SLC25A10: variants seen among roughly 807,000 people sequenced by gnomAD.
The protein encoded by SLC25A10 is mitochondrial dicarboxylate carrier.
In SLC25A10, 32 loss-of-function variants were observed where a neutral mutation model predicts 40.4. The observed-to-expected ratio is 0.79, with a 90% CI of 0.60 to 1.06. SLC25A10 has a LOEUF of 1.06. Ranked by LOEUF, SLC25A10 falls within the 50% of genes least tolerant of loss-of-function variation. The pLI, the probability that SLC25A10 is intolerant of heterozygous loss-of-function variation, is 0.00. For missense variants in SLC25A10, 394 were observed against 402.6 expected, an observed-to-expected ratio of 0.98 and a Z score of 0.18; for synonymous variants, 181 against 171.1, an observed-to-expected ratio of 1.06 and a Z score of -0.45.
intron 5 of SLC25A10, 187 bp from the exon 6 acceptor site, chr17:81,716,625 C>T: frequency 3.2e-6 from 2 of 616,792 alleles, no homozygotes; most frequent in South Asian, 3.9e-5. Context: ...TCCCTGAGGG[C>T]CGGGCGGGGC....
Position 81,714,980 on chromosome 17 carries a change from A to G in SLC25A10, c.121A>G (p.Lys41Glu), listed in dbSNP as rs1256996389. 6.2e-7 allele frequency: 1 copy of G among 1,609,432 alleles called. No individual in the cohort carries two copies. Among genetic ancestry groups the G allele is most frequent in the Non-Finnish European group, 8.5e-7 (1 of 1,179,914 alleles). The change falls in exon 2 of 11, where the codon AAG (lysine) becomes GAG (glutamate). Residue 41 changes from lysine (K) to glutamate (E), a missense_variant. Coordinates refer to ENST00000350690, the MANE Select transcript of SLC25A10 (RefSeq NM_012140.5). ...GCATCTGCAGACGCAGCAGGAGGTG[A>G]AGCTGCGCATGACGGGCATGGCGCT... ...KVHLQTQQEVKLRMTGMALRV... is the reference protein window; with the variant it reads ...KVHLQTQQEVELRMTGMALRV...
At chr17:81,715,950 C>T in intron 4 of SLC25A10, 59 bp from the exon 5 acceptor site, 1 of 1,533,530 alleles carries the variant, frequency 6.5e-7, no homozygotes, top group East Asian at 2.4e-5. Context: ...CCCTGTGCTG[C>T]CAGGGCTGCC....
chr17:81,716,529 C>T (rs1002176868), intron 5 of SLC25A10, among the ~76,000 whole-genome samples: 1 of 152,164 alleles, frequency 6.6e-6, no homozygotes, highest in Non-Finnish European at 1.5e-5. Flanking sequence ...TGTGTTCCCC[C>T]AGGACCCCGG....
intron 1 of SLC25A10, 100 bp downstream of exon 1, chr17:81,712,619 G>A (rs2037405123): frequency 1.2e-6 from 1 of 858,256 alleles, no homozygotes; most frequent in Non-Finnish European, 1.5e-6. Flanking sequence ...GGATCGCCGC[G>A]CCCGGGGCTC....
At position 81,720,375 on chromosome 17, in the gene SLC25A10, T is replaced by C. The variant is rs1344957436; in HGVS notation, c.*298T>C. The C allele has an allele frequency of 6.4e-6, 9 of 1,405,776 alleles. No individual in the cohort carries two copies. Among genetic ancestry groups the C allele is most frequent in the Non-Finnish European group, 8.3e-6 (9 of 1,086,212 alleles). 87.1% of individuals were successfully genotyped at this position (1,405,776 alleles called of 1,614,324 possible). On this transcript the variant is annotated 3_prime_UTR_variant, in exon 11 of 11. Coordinates refer to ENST00000350690, the MANE Select transcript of SLC25A10 (RefSeq NM_012140.5). ...GAACAGGGGCTACCAGAGGCTGATT[T>C]CTCCCCTCTCCTGGGCCAGGGGAGG...
chr17:81,712,401 G>A lies in SLC25A10; in HGVS notation c.-26G>A, dbSNP rs2037398791. The A allele has an allele frequency of 8.0e-7, 1 of 1,252,628 alleles. No individual in the cohort carries two copies. 77.6% of individuals were successfully genotyped at this position (1,252,628 alleles called of 1,614,324 possible). A position where few individuals can be genotyped will look rare whatever the true frequency, so the allele number is the denominator to read the frequency against. ...GTAGGGCCGGGGTCGGGTTGTGGTC[G>A]GGCCGGGATTGGGCTCTCCTGGGCC... On this transcript the variant is annotated 5_prime_UTR_variant, in exon 1 of 11. Transcript: ENST00000350690.
In SLC25A10 at chr17:81,717,813, C is replaced by T. The variant is rs114621664; in HGVS notation, c.657C>T (p.Pro219=). 1,281 of 1,612,100 alleles carry T rather than the reference C, an allele frequency of 7.9e-4. 8 individuals carry two copies. The Middle Eastern group carries it at 9.8e-3, about 12-fold the overall frequency. Reference sequence around the variant, plus strand: ...GATGTGCCACGTTCCTGTGCCAGCCCCTGGATGTGCTGAAGACTCGCCTGA... The same window carrying T: ...GATGTGCCACGTTCCTGTGCCAGCCTCTGGATGTGCTGAAGACTCGCCTGA... The part of the protein sequence containing the change: ...AGGCATFLCQ[P]LDVLKTRLMN... Residue 219 remains proline, a synonymous_variant, in exon 9 of 11, where the codon CCC becomes CCT. Coordinates refer to ENST00000350690, the MANE Select transcript of SLC25A10 (RefSeq NM_012140.5).
chr17:81,714,862 C>T, intron 1 of SLC25A10, 91 bp from the exon 2 acceptor site: 2 of 1,538,544 alleles, frequency 1.3e-6, no homozygotes, highest in South Asian at 1.2e-5. Flanking sequence ...GGCCTTATCA[C>T]TGCCTCCTGC....
rs778821555 is a variant in SLC25A10, at chr17:81,715,565, G to C, written c.301G>C (p.Glu101Gln). 1 of 1,612,870 alleles carries C rather than the reference G, an allele frequency of 6.2e-7. No homozygotes were observed. The highest frequency in any genetic ancestry group is 8.5e-7 in the Non-Finnish European group (1 of 1,179,840). Reference protein sequence around the residue: ...KGSQGPLPFHEKVLLGSVSGL... With the variant: ...KGSQGPLPFHQKVLLGSVSGL... ...CAGCCAGGGGCCTCTCCCCTTCCAC[G>C]AGAAGGTGTTGCTGGGCTCCGTCAG... The change falls in exon 3 of 11, where the codon GAG (glutamate) becomes CAG (glutamine). Residue 101 changes from glutamate (E) to glutamine (Q), a missense_variant. By Grantham distance (29) the Glu-to-Gln change is conservative. Transcript: ENST00000350690.
chr17:81,716,755 T>A (rs2037494529), intron 5 of SLC25A10, 57 bp from the exon 6 acceptor site: 1 of 1,561,860 alleles, frequency 6.4e-7, no homozygotes, highest in Non-Finnish European at 8.7e-7. Flanking sequence ...GGGAGGACCC[T>A]CTGTGGGAGC....
chr17:81,720,595 A>G lies in SLC25A10; in HGVS notation c.*518A>G. The G allele has an allele frequency of 8.7e-7, 1 of 1,151,562 alleles. No homozygotes were observed. The highest frequency in any genetic ancestry group is 3.2e-4 in the Middle Eastern group (1 of 3,118). The allele number at this position is 1,151,562 out of a possible 1,614,324, so 71.3% of individuals were successfully genotyped here. On this transcript the variant is annotated 3_prime_UTR_variant, in exon 11 of 11. Transcript: ENST00000350690. Reference sequence around the variant, plus strand: ...GCTGCAACTCCCCGCGAGACCCCGCAGCTGGGTGGGATGAACAAGCAACGC... The same window carrying G: ...GCTGCAACTCCCCGCGAGACCCCGCGGCTGGGTGGGATGAACAAGCAACGC...
rs2037479752 is a variant in SLC25A10, at chr17:81,716,014, A to G, written c.383A>G (p.Gln128Arg). The stretch of plus-strand genomic sequence containing the variant: ...GCCACCTGCTTCTGTTTCAGGATGC[A>G]GAACGACGTGAAGCTGCCCCAGGGT... ...TPADLVNVRM[Q>R]NDVKLPQGQR... The change falls in exon 5 of 11, where the codon CAG becomes CGG. Residue 128 changes from glutamine (Q) to arginine (R), a missense_variant. Transcript: ENST00000350690. The G allele has an allele frequency of 1.3e-6, 2 of 1,590,282 alleles. No individual in the cohort carries two copies. The highest frequency in any genetic ancestry group is 2.7e-5 in the African/African-American group (2 of 74,440).
chr17:81,715,852 A>G, intron 4 of SLC25A10, 111 bp downstream of exon 4: 1 of 1,485,232 alleles, frequency 6.7e-7, no homozygotes, highest in South Asian at 1.1e-5. Flanking sequence ...TAAGCCACTG[A>G]GACCCTGGTG....
At chr17:81,714,111 C>A (rs1266770991) in intron 1 of SLC25A10, among the ~76,000 whole-genome samples, 1 of 152,236 alleles carries the variant, frequency 6.6e-6, no homozygotes, top group African/African-American at 2.4e-5. Context: ...TCTCTGTCCC[C>A]ACCCATCTTT....
chr17:81,719,841 A>G lies in SLC25A10; in HGVS notation c.716A>G (p.His239Arg). ...NSKGEYQGVF[H>R]CAVETAKLGP... is the part of the protein sequence containing the mutation. ...CTGCGTTTTCTGCAGGGCGTTTTCC[A>G]CTGCGCCGTGGAGACAGCGAAGCTC... is the stretch of plus-strand genomic sequence containing the variant. The change falls in exon 10 of 11, where the codon CAC becomes CGC. Residue 239 changes from histidine (H) to arginine (R), a missense_variant. His to Arg is a conservative substitution (Grantham distance 29). Coordinates refer to ENST00000350690, the MANE Select transcript of SLC25A10 (RefSeq NM_012140.5). 1.2e-6 allele frequency: 2 copies of G among 1,613,420 alleles called. No homozygotes were observed. Among genetic ancestry groups the G allele is most frequent in the South Asian group, 1.1e-5 (1 of 91,054 alleles).
intron 9 of SLC25A10, among the ~76,000 whole-genome samples, chr17:81,719,580 G>A (rs1469357807): frequency 6.6e-6 from 1 of 152,166 alleles, no homozygotes; most frequent in East Asian, 1.9e-4. Context: ...CTGCCCACTG[G>A]ACCCCGGGCT....
At chr17:81,716,434 T>C (rs1598212685) in intron 5 of SLC25A10, among the ~76,000 whole-genome samples, 1 of 151,902 alleles carries the variant, frequency 6.6e-6, no homozygotes, top group Admixed American at 6.5e-5. Flanking sequence ...GGGCCCGGGG[T>C]CCGCTCCAAC....
chr17:81,713,495 C>T (rs1049011309), intron 1 of SLC25A10: 1 of 985,398 alleles, frequency 1.0e-6, no homozygotes, highest in African/African-American at 1.7e-5. Context: ...CTGGTCGCTG[C>T]GTGAAGGCCA....
In SLC25A10 at chr17:81,720,891, G is replaced by A. The variant is rs73354171; in HGVS notation, c.*814G>A. 0.047 allele frequency: 8,200 copies of A among 175,034 alleles called. 395 individuals carry two copies. The highest frequency in any genetic ancestry group is 0.12 in the African/African-American group (5,248 of 42,458). The allele number at this position is 175,034 out of a possible 1,614,324, so 10.8% of individuals were successfully genotyped here. On this transcript the variant is annotated 3_prime_UTR_variant, in exon 11 of 11. Transcript: ENST00000350690. ...GGTTCCTCCTTAGGGCCTTCTCCCCGACAAGGAGTCCGACGGGGCGGATGC... is the reference window on the plus strand; with the variant it reads ...GGTTCCTCCTTAGGGCCTTCTCCCCAACAAGGAGTCCGACGGGGCGGATGC...
Sources: allele counts gnomAD v4.1 joint callset (sites outside exome capture counted in the v4.1 genomes callset), GRCh38; gene constraint gnomAD v4.1.1; transcripts MANE v1.5; gene names NCBI Gene and HGNC (gene_info 2026-07-23, HGNC 2026-07-21).